LTF: variants seen among roughly 807,000 people sequenced by gnomAD.
The protein encoded by LTF is lactotransferrin, also known as epididymis luminal protein 110.
Under a neutral mutation model 87.2 loss-of-function variants are expected in LTF, and 91 were observed. That is an observed-to-expected ratio of 1.04 (90% confidence interval 0.88 to 1.24). LTF has a LOEUF of 1.24. Among genes scored for constraint, LTF ranks in the 50% most tolerant of loss-of-function variants. The probability of loss-of-function intolerance (pLI) is 0.00; values close to 1 mark genes in which losing one functional copy is unlikely to be tolerated. For synonymous variants in LTF, 378 were observed against 356.1 expected (o/e 1.06, Z -0.69); for missense variants, 901 against 904.3 (o/e 1.00, Z 0.05).
At position 46,445,240 on chromosome 3, in the gene LTF, C is replaced by T. The variant is rs772082658; in HGVS notation, c.1513+41G>A. 8.3e-6 allele frequency: 13 copies of T among 1,572,466 alleles called. No homozygotes were observed. The South Asian group carries it at 1.4e-4, about 17-fold the overall frequency. The stretch of plus-strand genomic sequence containing the variant: ...GGTTCCACAGCACAATATGCCTACC[C>T]TCCAGGGTGGCCCACCCACCGCACC... On this transcript the variant is annotated intron_variant, in intron 12 of 16. Transcript: ENST00000231751.
intron 15 of LTF, among the ~76,000 whole-genome samples, chr3:46,438,574 G>A (rs1702443107): frequency 6.6e-6 from 1 of 152,180 alleles, no homozygotes; most frequent in Admixed American, 6.5e-5. Flanking sequence ...CGGTCACCCT[G>A]CCTCCCTCAC....
At chr3:46,469,473 A>G (rs925852670), upstream of LTF, 4 of 152,348 alleles carry the variant, frequency 2.6e-5, no homozygotes, top group Non-Finnish European at 5.9e-5. Flanking sequence ...GGACTTGGGC[A>G]ATGCACCCTG....
intron 1 of LTF, among the ~76,000 whole-genome samples, chr3:46,482,054 A>G (rs1703436982): frequency 6.6e-6 from 1 of 152,180 alleles, no homozygotes; most frequent in African/African-American, 2.4e-5. Flanking sequence ...TTTTTCATGA[A>G]TCAGATAATA....
intron 1 of LTF, among the ~76,000 whole-genome samples, chr3:46,474,144 C>T (rs1423267630): frequency 1.3e-5 from 2 of 152,036 alleles, no homozygotes; most frequent in Non-Finnish European, 2.9e-5. Flanking sequence ...TCTAAATACT[C>T]CAATTAAAAG....
rs143317180 is a variant in LTF, at chr3:46,443,441, C to T, written c.1655G>A (p.Arg552Gln). ...TGATGGAGCTCAGTCACAGACTCAC[C>T]GGAAAGCCCCAGTGTAGCCGTAGTA... Reference protein sequence around the residue: ...ERYYGYTGAFRCLAENAGDVA... With the variant: ...ERYYGYTGAFQCLAENAGDVA... Residue 552 changes from arginine to glutamine, a missense_variant and splice_region_variant, in exon 13 of 17, where the codon CGG becomes CAG. By Grantham distance (43) the Arg-to-Gln change is conservative. Transcript: ENST00000231751. 9 of 1,614,068 alleles carry T rather than the reference C, an allele frequency of 5.6e-6. No homozygotes were observed. The highest frequency in any genetic ancestry group is 1.7e-5 in the Admixed American group (1 of 60,024).
intron 1 of LTF, among the ~76,000 whole-genome samples, chr3:46,464,140 G>A (rs1365105481): frequency 6.6e-6 from 1 of 152,200 alleles, no homozygotes; most frequent in Non-Finnish European, 1.5e-5. Context: ...GGTCACTAAT[G>A]TGCAGCGCTG....
intron 16 of LTF, among the ~76,000 whole-genome samples, chr3:46,437,702 T>C (rs1702417267): frequency 6.6e-6 from 1 of 152,206 alleles, no homozygotes; most frequent in Non-Finnish European, 1.5e-5. Context: ...TTTCCAAAGA[T>C]TTCATGACAG....
At chr3:46,483,416 G>A (rs1032985959) in intron 1 of LTF, among the ~76,000 whole-genome samples, 2 of 152,218 alleles carry the variant, frequency 1.3e-5, no homozygotes, top group African/African-American at 4.8e-5. Context: ...TAAATCAATT[G>A]TAATACTATC....
chr3:46,452,623 C>T (rs1702830736), intron 6 of LTF, among the ~76,000 whole-genome samples: 1 of 152,122 alleles, frequency 6.6e-6, no homozygotes, highest in South Asian at 2.1e-4. Flanking sequence ...TTTCTCTCCA[C>T]CAGATAGTAA....
intron 2 of LTF, among the ~76,000 whole-genome samples, chr3:46,470,077 G>T (rs1703263610): frequency 6.6e-6 from 1 of 152,210 alleles, no homozygotes; most frequent in Admixed American, 6.5e-5. Context: ...TTGCTCCCCA[G>T]TGGGCAAGGG....
chr3:46,474,023 C>T (rs1263925091), intron 1 of LTF, among the ~76,000 whole-genome samples: 1 of 151,970 alleles, frequency 6.6e-6, no homozygotes, highest in Non-Finnish European at 1.5e-5. Context: ...GTTTAAGTAA[C>T]CCACAGGACA....
chr3:46,465,659 A>G (rs1360725038), upstream of LTF, among the ~76,000 whole-genome samples: 1 of 150,706 alleles, frequency 6.6e-6, no homozygotes, highest in Non-Finnish European at 1.5e-5. Context: ...TGGTGTTGAT[A>G]GTATTCAGTA....
intron 1 of LTF, among the ~76,000 whole-genome samples, chr3:46,462,747 C>T (rs959461278): frequency 7.2e-5 from 11 of 152,002 alleles, no homozygotes; most frequent in Admixed American, 2.0e-4. Context: ...ACGAAGGCAC[C>T]AGGGAAGGGC....
At chr3:46,454,442 G>T in intron 5 of LTF, 82 bp from the exon 6 acceptor site, 1 of 1,168,230 alleles carries the variant, frequency 8.6e-7, no homozygotes, top group Non-Finnish European at 1.3e-6. Context: ...CTGGCACTCA[G>T]CATCTATGGG....
chr3:46,454,392 C>A (rs778553248), intron 5 of LTF, 32 bp from the exon 6 acceptor site: 4 of 1,590,354 alleles, frequency 2.5e-6, no homozygotes, highest in Non-Finnish European at 3.5e-6. Context: ...GGGGTAAGCA[C>A]AGGCAGCCCT....
chr3:46,482,141 C>A (rs1703439326), intron 1 of LTF, among the ~76,000 whole-genome samples: 1 of 151,950 alleles, frequency 6.6e-6, no homozygotes, highest in South Asian at 2.1e-4. Flanking sequence ...TGACACACAC[C>A]TAAGTTTAGT....
chr3:46,455,385 G>A lies in LTF; in HGVS notation c.557C>T (p.Pro186Leu). ...CVPGADKGQF[P>L]NLCRLCAGTG... The stretch of plus-strand genomic sequence containing the variant: ...CCCCGCACACAGGCGACACAGGTTG[G>A]GGAACTGTCCTTTATCTGCACCGGG... The change falls in exon 5 of 17, where the codon CCC becomes CTC. Residue 186 changes from proline (P) to leucine (L), a missense_variant. Coordinates refer to ENST00000231751, the MANE Select transcript of LTF (RefSeq NM_002343.6). The A allele has an allele frequency of 6.2e-7, 1 of 1,614,230 alleles. No homozygotes were observed. The highest frequency in any genetic ancestry group is 1.1e-5 in the South Asian group (1 of 91,086).
At chr3:46,457,596 C>G (rs1468372696) in intron 2 of LTF, among the ~76,000 whole-genome samples, 1 of 152,184 alleles carries the variant, frequency 6.6e-6, no homozygotes, top group East Asian at 1.9e-4. Flanking sequence ...GAATCACCAG[C>G]AGGGCAGGCT....
In LTF at chr3:46,455,303, AC is replaced by A. The variant is rs1702898960; in HGVS notation, c.638del (p.Gly213ValfsTer6). ...GGGACAGGGTCACTCACTTGAAGGC[AC>A]CAGAGTAGCTGAAGTACGGTTCCTG... ...SSQEPYFSYS[G>X]AFKCLRDGAG... On this transcript the variant is annotated frameshift_variant, in exon 5 of 17. Transcript: ENST00000231751. LOFTEE classifies it high-confidence loss of function. 3.1e-6 allele frequency: 5 copies of A among 1,614,106 alleles called. No individual in the cohort carries two copies. In the Admixed American group the frequency reaches 5.0e-5, roughly 16 times the overall value.
Sources: gnomAD v4.1 joint callset for allele counts (sites outside exome capture counted in the v4.1 genomes callset) on GRCh38, gnomAD v4.1.1 for gene constraint, MANE v1.5 for transcripts, NCBI Gene and HGNC (gene_info 2026-07-23, HGNC 2026-07-21) for gene names.